RAD50: variants seen among roughly 807,000 people sequenced by gnomAD.
RAD50 encodes DNA repair protein RAD50.
A neutral mutation model predicts 168.8 loss-of-function variants in RAD50; 132 were observed. The ratio of observed to expected loss-of-function variants is 0.78; its 90% CI spans 0.68 to 0.90. The LOEUF (loss-of-function observed/expected upper bound fraction) is 0.90, where lower values mean the gene tolerates loss of function less well. Among genes scored for constraint, RAD50 ranks in the 40% least tolerant of loss-of-function variants. The probability of loss-of-function intolerance (pLI) is 0.00; values close to 1 mark genes in which losing one functional copy is unlikely to be tolerated. For missense variants in RAD50, 1,347 were observed against 1,534.4 expected (o/e 0.88, Z 2.04); for synonymous variants, 525 against 497.4 (o/e 1.06, Z -0.74).
At chr5:132,584,609 G>T (rs536669843) in intron 5 of RAD50, among the ~76,000 whole-genome samples, 1 of 152,204 alleles carries the variant, frequency 6.6e-6, no homozygotes, top group South Asian at 2.1e-4. Context: ...ATACCCAAAG[G>T]ATTATAAATC....
Position 132,638,083 on chromosome 5 carries a change from A to G in RAD50, c.3478A>G (p.Ile1160Val). The part of the protein sequence containing the change: ...LWRSTYRGQD[I>V]EYIEIRSDAD... The stretch of plus-strand genomic sequence containing the variant: ...AAATATTCTTCTTCCTGTGTCAGAT[A>G]TTGAATACATAGAAATACGGTCTGA... The change falls in exon 23 of 25, where the codon ATT (isoleucine) becomes GTT (valine). Residue 1160 changes from isoleucine (I) to valine (V), a missense_variant and splice_region_variant. Ile to Val is a conservative substitution (Grantham distance 29). Around this residue, in one of 3 missense-constraint regions of RAD50, gnomAD observed 635 missense variants for 739.2 expected, o/e 0.86. Transcript: ENST00000378823. The G allele has an allele frequency of 1.9e-6, 3 of 1,614,016 alleles. No individual in the cohort carries two copies. Among genetic ancestry groups the G allele is most frequent in the Non-Finnish European group, 2.5e-6 (3 of 1,179,870 alleles).
At chr5:132,601,277 C>T (rs1369352815) in intron 13 of RAD50, among the ~76,000 whole-genome samples, 1 of 152,152 alleles carries the variant, frequency 6.6e-6, no homozygotes, top group African/African-American at 2.4e-5. Flanking sequence ...ATATTACAGG[C>T]GTGAGCCGTC....
At chr5:132,606,403 C>T (rs1015094921) in intron 16 of RAD50, among the ~76,000 whole-genome samples, 1 of 152,176 alleles carries the variant, frequency 6.6e-6, no homozygotes, top group African/African-American at 2.4e-5. Context: ...CATACACCCT[C>T]CCAAGTCTAA....
At chr5:132,557,570 G>A in intron 1 of RAD50, 117 bp downstream of exon 1, 1 of 1,466,896 alleles carries the variant, frequency 6.8e-7, no homozygotes, top group South Asian at 1.2e-5. Flanking sequence ...ACAGGTGTAG[G>A]CCCTTAAAGT....
rs981237602 is a variant in RAD50, at chr5:132,609,475, T to A, written c.3036+79T>A. ...GTTTTATTTTCAATAGAAGATCCATTGAATAGAAATGCAAAAAGGAAAGAG... is the reference window on the plus strand; with the variant it reads ...GTTTTATTTTCAATAGAAGATCCATAGAATAGAAATGCAAAAAGGAAAGAG... On this transcript the variant is annotated intron_variant, in intron 19 of 24. Coordinates refer to ENST00000378823, the MANE Select transcript of RAD50 (RefSeq NM_005732.4). 48 of 1,562,680 alleles carry A rather than the reference T, an allele frequency of 3.1e-5. 1 individual carries two copies. In the South Asian group the frequency reaches 5.2e-4, roughly 17 times the overall value.
chr5:132,586,069 T>A (rs1750590459), intron 5 of RAD50, among the ~76,000 whole-genome samples: 1 of 152,218 alleles, frequency 6.6e-6, no homozygotes, highest in African/African-American at 2.4e-5. Context: ...TTTGACCCAG[T>A]GTCACAAAAA....
At chr5:132,605,755 A>G (rs1257061197) in intron 16 of RAD50, among the ~76,000 whole-genome samples, 6 of 152,188 alleles carry the variant, frequency 3.9e-5, no homozygotes, top group African/African-American at 1.2e-4. Context: ...CAAATGCAAA[A>G]GAACAGAAAT....
At chr5:132,595,437 G>A (rs1400240188) in intron 12 of RAD50, 136 bp from the exon 13 acceptor site, 2 of 541,880 alleles carry the variant, frequency 3.7e-6, no homozygotes, top group Non-Finnish European at 3.0e-6. Flanking sequence ...TTAAATATCA[G>A]AATTTTTATT....
intron 24 of RAD50, 106 bp downstream of exon 24, chr5:132,640,911 T>C: frequency 6.4e-7 from 1 of 1,566,866 alleles, no homozygotes; most frequent in Non-Finnish European, 8.7e-7. Flanking sequence ...AAACGTTCTC[T>C]AGCTGTGTTC....
Position 132,579,448 on chromosome 5 carries a change from T to C in RAD50, c.497T>C (p.Leu166Ser), listed in dbSNP as rs1349319235. Residue 166 changes from leucine (L) to serine (S), a missense_variant, in exon 4 of 25, where the codon TTA becomes TCA. Coordinates refer to ENST00000378823, the MANE Select transcript of RAD50 (RefSeq NM_005732.4). ...FCHQEDSNWP[L>S]SEGKALKQKF... is the part of the protein sequence containing the mutation. ...CATCAAGAAGATTCTAATTGGCCTT[T>C]AAGTGAAGGAAAGGCTTTGAAGCAA... The C allele has an allele frequency of 3.1e-6, 5 of 1,614,082 alleles. No individual in the cohort carries two copies. Among genetic ancestry groups the C allele is most frequent in the Non-Finnish European group, 4.2e-6 (5 of 1,179,956 alleles).
At chr5:132,622,046 C>A (rs1406611506) in intron 21 of RAD50, among the ~76,000 whole-genome samples, 1 of 152,078 alleles carries the variant, frequency 6.6e-6, no homozygotes, top group Non-Finnish European at 1.5e-5. Flanking sequence ...GGGTAAATAT[C>A]TTGTTAAATA....
rs1750660244 is a variant in RAD50, at chr5:132,589,613, C to G, written c.1246-18C>G. On this transcript the variant is annotated intron_variant, in intron 8 of 24. Transcript: ENST00000378823. The stretch of plus-strand genomic sequence containing the variant: ...GTTTAGTAAATTATTAATGCTCATT[C>G]TTTACATATGCATTTAGAATGACTT... 6.6e-7 allele frequency: 1 copy of G among 1,523,460 alleles called. No homozygotes were observed. Among genetic ancestry groups the G allele is most frequent in the Non-Finnish European group, 8.9e-7 (1 of 1,121,466 alleles). 94.4% of individuals were successfully genotyped at this position (1,523,460 alleles called of 1,614,324 possible). A position where few individuals can be genotyped will look rare whatever the true frequency, so the allele number is the denominator to read the frequency against.
At chr5:132,570,431 G>A (rs1010632684) in intron 2 of RAD50, among the ~76,000 whole-genome samples, 9 of 152,264 alleles carry the variant, frequency 5.9e-5, no homozygotes, top group African/African-American at 1.9e-4. Flanking sequence ...GTTGTTTAGT[G>A]TAGCTACCTT....
chr5:132,591,559 C>T (rs1449967205), intron 10 of RAD50, among the ~76,000 whole-genome samples, 153 bp downstream of exon 10: 1 of 151,990 alleles, frequency 6.6e-6, no homozygotes, highest in Admixed American at 6.6e-5. Flanking sequence ...GACTTTCAAG[C>T]TTAAAAGTTA....
intron 12 of RAD50, chr5:132,595,338 A>G (rs2149843876): frequency 1.9e-6 from 1 of 519,830 alleles, no homozygotes; most frequent in East Asian, 3.3e-5. Flanking sequence ...AGCTCTCAGT[A>G]GGCATTTTGT....
chr5:132,616,748 G>A (rs1211116643), intron 20 of RAD50, among the ~76,000 whole-genome samples: 1 of 152,098 alleles, frequency 6.6e-6, no homozygotes, highest in Non-Finnish European at 1.5e-5. Context: ...TGGTATAAAA[G>A]GTTGTACTAG....
chr5:132,614,014 T>C (rs761684001), intron 19 of RAD50, among the ~76,000 whole-genome samples: 3 of 152,166 alleles, frequency 2.0e-5, no homozygotes, highest in Non-Finnish European at 4.4e-5. Context: ...AATAACACTG[T>C]GATTTGAGCC....
chr5:132,635,931 T>C (rs1489142753), intron 21 of RAD50, among the ~76,000 whole-genome samples: 2 of 152,174 alleles, frequency 1.3e-5, no homozygotes, highest in Non-Finnish European at 2.9e-5. Flanking sequence ...ACAAGCAGAA[T>C]ATGGTTTTTT....
At chr5:132,568,796 A>G (rs1357873583) in intron 2 of RAD50, among the ~76,000 whole-genome samples, 1 of 152,250 alleles carries the variant, frequency 6.6e-6, no homozygotes, top group Non-Finnish European at 1.5e-5. Context: ...GGTAGAGGTA[A>G]TTTGTTACAG....
Sources: allele counts gnomAD v4.1 joint callset (sites outside exome capture counted in the v4.1 genomes callset), GRCh38; gene constraint gnomAD v4.1.1; regional missense constraint gnomAD v4.1.1; transcripts MANE v1.5; gene names NCBI Gene and HGNC (gene_info 2026-07-23, HGNC 2026-07-21).